Variants in EFHD1 observed in about 807,000 individuals in gnomAD.
The protein encoded by EFHD1 is EF-hand domain-containing protein D1.
EFHD1 carries 10 observed loss-of-function variants against 17.2 expected under a neutral mutation model. The observed-to-expected ratio is 0.58, with a 90% CI of 0.36 to 0.99. EFHD1 has a LOEUF of 0.99. Ranked by LOEUF, EFHD1 falls within the 50% of genes least tolerant of loss-of-function variation. The pLI is 0.01. For synonymous variants in EFHD1, 153 were observed against 142.0 expected (o/e 1.08, Z -0.55); for missense variants, 310 against 327.5 (o/e 0.95, Z 0.41).
intron 1 of EFHD1, among the ~76,000 whole-genome samples, chr2:232,648,148 G>A (rs1024983642): frequency 2.0e-5 from 3 of 152,140 alleles, no homozygotes; most frequent in Admixed American, 6.5e-5. Context: ...AGGCTGAGGC[G>A]TGAGGATTGC....
Position 232,682,220 on chromosome 2 carries a change from G to A in EFHD1, c.*501G>A, listed in dbSNP as rs1157297550. 6.5e-6 allele frequency: 1 copy of A among 153,482 alleles called. No individual in the cohort carries two copies. The highest frequency in any genetic ancestry group is 2.4e-5 in the African/African-American group (1 of 41,420). The allele number at this position is 153,482 out of a possible 1,614,324, so 9.5% of individuals were successfully genotyped here. On this transcript the variant is annotated 3_prime_UTR_variant, in exon 4 of 4. Transcript: ENST00000264059. ...CTGGGTAATGGTGGGTCTTAATGGA[G>A]GCTGGGTGGACCACTGCCCGTCCAC... is the stretch of plus-strand genomic sequence containing the variant.
intron 1 of EFHD1, among the ~76,000 whole-genome samples, chr2:232,614,255 C>T (rs189921732): frequency 1.3e-5 from 2 of 152,206 alleles, no homozygotes; most frequent in East Asian, 3.9e-4. Context: ...AACTGCATGC[C>T]TCAAATTATA....
At chr2:232,661,172 C>T (rs570592383) in intron 1 of EFHD1, among the ~76,000 whole-genome samples, 1 of 151,598 alleles carries the variant, frequency 6.6e-6, no homozygotes, top group African/African-American at 2.4e-5. Context: ...AACAAAAAAA[C>T]AAAACCTCTG....
intron 1 of EFHD1, chr2:232,606,265 C>A: frequency 6.9e-7 from 1 of 1,454,278 alleles, no homozygotes; most frequent in Non-Finnish European, 9.5e-7. Flanking sequence ...AATAGGTGCG[C>A]GGTAATTCCT....
upstream of EFHD1, among the ~76,000 whole-genome samples, chr2:232,632,616 C>G (rs965644472): frequency 2.0e-5 from 3 of 152,050 alleles, no homozygotes; most frequent in African/African-American, 7.2e-5. Context: ...TCCTCCCCCT[C>G]TCCCTCCTTC....
chr2:232,632,854 G>A (rs1694227666), upstream of EFHD1, among the ~76,000 whole-genome samples: 1 of 152,168 alleles, frequency 6.6e-6, no homozygotes, highest in Non-Finnish European at 1.5e-5. Flanking sequence ...TCGAACTCCT[G>A]GGCTCAAAAG....
intron 1 of EFHD1, among the ~76,000 whole-genome samples, chr2:232,607,278 C>G (rs1693735145): frequency 6.6e-6 from 1 of 151,150 alleles, no homozygotes; most frequent in Admixed American, 6.6e-5. Flanking sequence ...CCTATCTGTA[C>G]AAAAGATTTA....
intron 1 of EFHD1, among the ~76,000 whole-genome samples, chr2:232,641,682 A>G (rs1484633918): frequency 2.0e-5 from 3 of 152,258 alleles, no homozygotes; most frequent in African/African-American, 7.2e-5. Flanking sequence ...CTTGGTGAGC[A>G]TGATTTGGCC....
intron 1 of EFHD1, among the ~76,000 whole-genome samples, chr2:232,652,151 GAATGT>G (rs1234862216): frequency 6.6e-6 from 1 of 152,192 alleles, no homozygotes; most frequent in Non-Finnish European, 1.5e-5. Flanking sequence ...CTGTTTCTCT[GAATGT>G]CTGCAAGGCG....
At chr2:232,623,335 G>A (rs150511641) in intron 1 of EFHD1, among the ~76,000 whole-genome samples, 20 of 152,182 alleles carry the variant, frequency 1.3e-4, no homozygotes, top group African/African-American at 4.3e-4. Context: ...TGTGAGTCAC[G>A]GCACCCGGCC....
chr2:232,656,232 T>C (rs12694911), intron 1 of EFHD1, among the ~76,000 whole-genome samples: 67,169 of 151,860 alleles, frequency 0.44, 15,862 homozygotes, highest in South Asian at 0.57. Flanking sequence ...ACTGTGGCCC[T>C]TGCATTCAGG....
At chr2:232,639,655 G>A (rs550683635) in intron 1 of EFHD1, among the ~76,000 whole-genome samples, 3 of 152,074 alleles carry the variant, frequency 2.0e-5, no homozygotes, top group Non-Finnish European at 4.4e-5. Context: ...TGGGTTCATG[G>A]TGTGGCTGAG....
At chr2:232,654,416 CTTTT>C (rs539954632) in intron 1 of EFHD1, among the ~76,000 whole-genome samples, 8 of 94,614 alleles carry the variant, frequency 8.5e-5, no homozygotes, top group South Asian at 4.0e-4. Context: ...TTCTTTCTTT[CTTTT>C]TTTTTTTTTT....
chr2:232,670,576 C>T (rs77962348), intron 2 of EFHD1, among the ~76,000 whole-genome samples: 4,956 of 151,636 alleles, frequency 0.033, 180 homozygotes, highest in East Asian at 0.21. Flanking sequence ...GGATTACTAA[C>T]CAACCATTTG....
chr2:232,653,193 C>T (rs1694691173), intron 1 of EFHD1, among the ~76,000 whole-genome samples: 1 of 152,090 alleles, frequency 6.6e-6, no homozygotes, highest in Admixed American at 6.6e-5. Flanking sequence ...AGGGTTTTGC[C>T]ATGTTGGCCA....
chr2:232,633,995 C>T lies in EFHD1; in HGVS notation c.291C>T (p.Ser97=), dbSNP rs2106193352. 2.5e-6 allele frequency: 4 copies of T among 1,597,106 alleles called. No homozygotes were observed. The highest frequency in any genetic ancestry group is 4.5e-5 in the East Asian group (2 of 44,590). ...FSRRLIKDLE[S]MFKLYDAGRD... ...GCCGCCTCATCAAGGACCTGGAGAGCATGTTCAAACTGTGAGCTCCCGCTG... is the reference window on the plus strand; with the variant it reads ...GCCGCCTCATCAAGGACCTGGAGAGTATGTTCAAACTGTGAGCTCCCGCTG... The change falls in exon 1 of 4, where the codon AGC becomes AGT. Residue 97 remains serine (S), a synonymous_variant. Coordinates refer to ENST00000264059, the MANE Select transcript of EFHD1 (RefSeq NM_025202.4).
intron 2 of EFHD1, among the ~76,000 whole-genome samples, chr2:232,665,522 A>G (rs974075927): frequency 3.9e-5 from 6 of 152,054 alleles, no homozygotes; most frequent in African/African-American, 1.2e-4. Context: ...CCTGGGTTCA[A>G]GCGATTCCCC....
intron 2 of EFHD1, among the ~76,000 whole-genome samples, chr2:232,669,075 C>T (rs778267803): frequency 8.5e-5 from 13 of 152,148 alleles, no homozygotes; most frequent in Non-Finnish European, 1.6e-4. Context: ...GGGCACGGAG[C>T]GACCAGTATG....
At chr2:232,627,032 C>CTATA (rs1694112920) in intron 1 of EFHD1, among the ~76,000 whole-genome samples, 1 of 61,746 alleles carries the variant, frequency 1.6e-5, no homozygotes, top group Non-Finnish European at 3.1e-5. Context: ...CTCTCTCTCT[C>CTATA]TCTCTATATA....
Sources: gnomAD v4.1 joint callset for allele counts (sites outside exome capture counted in the v4.1 genomes callset) on GRCh38, gnomAD v4.1.1 for gene constraint, MANE v1.5 for transcripts, NCBI Gene and HGNC (gene_info 2026-07-23, HGNC 2026-07-21) for gene names.